The following ANKS1B variants were observed in gnomAD, a reference collection of about 807,000 sequenced individuals.
ANKS1B encodes the protein ankyrin repeat and sterile alpha motif domain containing 1B.
ANKS1B carries 36 observed loss-of-function variants against 148.3 expected under a neutral mutation model. The ratio of observed to expected loss-of-function variants is 0.24; its 90% CI spans 0.19 to 0.32. ANKS1B has a LOEUF of 0.32. ANKS1B is among the 10% of genes least tolerant of loss of function. The pLI is 1.00. For synonymous variants in ANKS1B, 542 were observed against 560.8 expected (o/e 0.97, Z 0.47); for missense variants, 1,157 against 1,542.6 (o/e 0.75, Z 4.19).
At chr12:99,850,281 G>GTCTCTCCCTCTCCCTCTCCCTCTCTCTC (rs57015094) in intron 1 of ANKS1B, among the ~76,000 whole-genome samples, 1 of 114,206 alleles carries the variant, frequency 8.8e-6, no homozygotes, top group African/African-American at 3.6e-5. Context: ...AAGCAAGAAA[G>GTCTCTCCCTCTCCCTCTCCCTCTCTCTC]TCTCTCTCTC....
intron 15 of ANKS1B, among the ~76,000 whole-genome samples, chr12:99,149,812 A>T (rs532398851): frequency 6.6e-6 from 1 of 152,076 alleles, no homozygotes; most frequent in East Asian, 1.9e-4. Flanking sequence ...CTCTTCTATT[A>T]TCTACTGTAA....
intron 23 of ANKS1B, 153 bp from the exon 24 acceptor site, chr12:98,781,356 A>G: frequency 1.5e-6 from 1 of 683,422 alleles, no homozygotes; most frequent in Non-Finnish European, 2.7e-6. Context: ...GATACACACC[A>G]CGCACACTCT....
chr12:99,417,604 G>A (rs890950341), intron 11 of ANKS1B, among the ~76,000 whole-genome samples: 21 of 151,872 alleles, frequency 1.4e-4, no homozygotes, highest in African/African-American at 4.8e-4. Flanking sequence ...GACTTTGATA[G>A]GAATTATGTT....
At chr12:99,166,413 G>A (rs1340211453) in intron 14 of ANKS1B, among the ~76,000 whole-genome samples, 3 of 151,818 alleles carry the variant, frequency 2.0e-5, no homozygotes, top group African/African-American at 7.2e-5. Context: ...GAAATAATAA[G>A]TGAGTTTAGC....
At chr12:99,451,968 T>C (rs969957733) in intron 10 of ANKS1B, among the ~76,000 whole-genome samples, 1 of 152,148 alleles carries the variant, frequency 6.6e-6, no homozygotes, top group Non-Finnish European at 1.5e-5. Context: ...ATCACTTGCA[T>C]CACTAAGTAA....
chr12:99,598,096 A>C (rs2097772245), intron 9 of ANKS1B, among the ~76,000 whole-genome samples: 4 of 152,086 alleles, frequency 2.6e-5, no homozygotes, highest in Admixed American at 2.0e-4. Flanking sequence ...TATCCATCAG[A>C]ACTCCAGTCT....
At chr12:98,810,922 T>C (rs938375055) in intron 19 of ANKS1B, among the ~76,000 whole-genome samples, 2 of 152,254 alleles carry the variant, frequency 1.3e-5, no homozygotes, top group African/African-American at 4.8e-5. Context: ...GTCTGCGCTT[T>C]GACTTCTCCT....
At chr12:99,035,353 C>T (rs1293315073) in intron 17 of ANKS1B, among the ~76,000 whole-genome samples, 1 of 152,170 alleles carries the variant, frequency 6.6e-6, no homozygotes, top group Non-Finnish European at 1.5e-5. Context: ...TTGCCCAACA[C>T]AGAGAAGGAA....
Position 99,066,175 on chromosome 12 carries a change from G to A in ANKS1B, c.2626-12866C>T, listed in dbSNP as rs2044251942. On this transcript the variant is annotated intron_variant, in intron 16 of 26. Transcript: ENST00000683438. ...TACTAAAATACAAAAACCCAGCCAG[G>A]CATGGTGGTATGTGCCTGTAATCCC... Among the ~76,000 whole-genome samples the A allele has an allele frequency of 3.3e-5, 5 of 152,064 alleles. No homozygotes were observed. The South Asian group carries it at 1.0e-3, about 32-fold the overall frequency.
chr12:99,255,177 A>T (rs1280068299), intron 12 of ANKS1B, among the ~76,000 whole-genome samples: 1 of 152,152 alleles, frequency 6.6e-6, no homozygotes, highest in African/African-American at 2.4e-5. Context: ...TTTATTTAGT[A>T]TAGAACTATC....
intron 9 of ANKS1B, among the ~76,000 whole-genome samples, chr12:99,625,784 T>C (rs2098106634): frequency 1.3e-5 from 2 of 152,002 alleles, no homozygotes; most frequent in Non-Finnish European, 2.9e-5. Flanking sequence ...GATGAGAATA[T>C]AGAGGTTTTG....
intron 12 of ANKS1B, among the ~76,000 whole-genome samples, chr12:99,334,185 G>GATAGATACATAGATAC (rs142004241): frequency 7.3e-5 from 11 of 150,372 alleles, no homozygotes; most frequent in Non-Finnish European, 1.0e-4. Flanking sequence ...CAGACAGATA[G>GATAGATACATAGATAC]ATAGATACAT....
chr12:98,850,039 C>T lies in ANKS1B; in HGVS notation c.2779-17903G>A, dbSNP rs147492943. Among the ~76,000 whole-genome samples, 566 of 152,184 alleles carry T rather than the reference C, an allele frequency of 3.7e-3. 4 individuals are homozygous for T. Among genetic ancestry groups the T allele is most frequent in the African/African-American group, 0.013 (547 of 41,536 alleles). Reference sequence around the variant, plus strand: ...TAAATGGGCTTTGTCTGATTACTTCCGTTTACCTGATGATTAAATCCTGCC... The same window carrying T: ...TAAATGGGCTTTGTCTGATTACTTCTGTTTACCTGATGATTAAATCCTGCC... On this transcript the variant is annotated intron_variant, in intron 17 of 26. Coordinates refer to ENST00000683438, the MANE Select transcript of ANKS1B (RefSeq NM_001352186.2).
chr12:99,359,175 C>T (rs1566953996), intron 12 of ANKS1B, among the ~76,000 whole-genome samples: 1 of 152,034 alleles, frequency 6.6e-6, no homozygotes, highest in Admixed American at 6.6e-5. Flanking sequence ...TTTGGAAGCT[C>T]GGGATGAAAT....
intron 17 of ANKS1B, among the ~76,000 whole-genome samples, chr12:99,023,550 A>G (rs1397549039): frequency 6.6e-6 from 1 of 151,518 alleles, no homozygotes. Context: ...TTCTTTAGAT[A>G]TTCTCTTTGT....
intron 12 of ANKS1B, among the ~76,000 whole-genome samples, chr12:99,363,144 TA>T (rs1318379867): frequency 1.3e-5 from 2 of 151,832 alleles, no homozygotes; most frequent in Non-Finnish European, 1.5e-5. Context: ...ACTTAGCCTA[TA>T]AAAAAATGCT....
chr12:99,313,107 C>A (rs183977902), intron 12 of ANKS1B, among the ~76,000 whole-genome samples: 3 of 152,240 alleles, frequency 2.0e-5, no homozygotes, highest in African/African-American at 7.2e-5. Flanking sequence ...ACTGACCCCA[C>A]AGAAATACAA....
At chr12:98,938,263 C>G (rs1439478545) in intron 17 of ANKS1B, among the ~76,000 whole-genome samples, 1 of 152,044 alleles carries the variant, frequency 6.6e-6, no homozygotes, top group Non-Finnish European at 1.5e-5. Context: ...TATTATTAAC[C>G]TACGTTAAAT....
At chr12:99,425,797 C>T (rs370929985) in intron 11 of ANKS1B, among the ~76,000 whole-genome samples, 1 of 150,596 alleles carries the variant, frequency 6.6e-6, no homozygotes, top group African/African-American at 2.4e-5. Flanking sequence ...CTTCTAAGAG[C>T]TCTTTGCATA....
Sources: allele counts gnomAD v4.1 joint callset (sites outside exome capture counted in the v4.1 genomes callset), GRCh38; gene constraint gnomAD v4.1.1; transcripts MANE v1.5; gene names NCBI Gene and HGNC (gene_info 2026-07-23, HGNC 2026-07-21).